Variants in ZNF148 observed in about 807,000 individuals in gnomAD.
ZNF148 encodes zinc finger protein 148.
A neutral mutation model predicts 67.7 loss-of-function variants in ZNF148; 7 were observed. The observed-to-expected ratio is 0.10, with a 90% CI of 0.06 to 0.19. The LOEUF is 0.19. ZNF148 is among the 10% of genes least tolerant of loss of function. The probability of loss-of-function intolerance (pLI) is 1.00; values close to 1 mark genes in which losing one functional copy is unlikely to be tolerated. For missense variants in ZNF148, 583 were observed against 947.1 expected (o/e 0.62, Z 5.05); for synonymous variants, 333 against 330.7 (o/e 1.01, Z -0.08).
intron 7 of ZNF148, among the ~76,000 whole-genome samples, chr3:125,274,446 T>C (rs1297562452): frequency 6.6e-6 from 1 of 152,202 alleles, no homozygotes; most frequent in African/African-American, 2.4e-5. Flanking sequence ...GAATAAAGCT[T>C]AAACCAGAAT....
chr3:125,336,568 T>C (rs1941501066), intron 1 of ZNF148, among the ~76,000 whole-genome samples: 1 of 152,090 alleles, frequency 6.6e-6, no homozygotes, highest in South Asian at 2.1e-4. Flanking sequence ...ATACTTTATA[T>C]ATTTTGAACT....
At chr3:125,292,223 G>A (rs79160645) in intron 4 of ZNF148, among the ~76,000 whole-genome samples, 1,979 of 152,190 alleles carry the variant, frequency 0.013, 47 homozygotes, top group African/African-American at 0.046. Context: ...TATCTGTCCC[G>A]TTTGCCTGAT....
At chr3:125,301,781 C>A (rs1022535138) in intron 4 of ZNF148, among the ~76,000 whole-genome samples, 1 of 152,072 alleles carries the variant, frequency 6.6e-6, no homozygotes, top group Admixed American at 6.6e-5. Context: ...AATGTACATT[C>A]GGCCAGGCGC....
chr3:125,360,289 A>AT (rs1290640391), intron 1 of ZNF148, among the ~76,000 whole-genome samples: 4 of 150,840 alleles, frequency 2.7e-5, no homozygotes, highest in Admixed American at 2.0e-4. Context: ...GGGTTTTTGT[A>AT]TTTTTTTGAT....
chr3:125,246,018 A>G (rs1435719175), intron 7 of ZNF148, among the ~76,000 whole-genome samples: 3 of 152,114 alleles, frequency 2.0e-5, no homozygotes, highest in African/African-American at 7.2e-5. Flanking sequence ...TTCTATTCCT[A>G]AACTACCATG....
At chr3:125,299,083 C>T (rs1560151505) in intron 4 of ZNF148, among the ~76,000 whole-genome samples, 1 of 152,162 alleles carries the variant, frequency 6.6e-6, no homozygotes, top group Admixed American at 6.5e-5. Context: ...GGAAATTTTA[C>T]TTTTCACTTT....
chr3:125,285,896 A>G (rs762175134), intron 5 of ZNF148, among the ~76,000 whole-genome samples: 31 of 152,006 alleles, frequency 2.0e-4, no homozygotes, highest in Non-Finnish European at 4.1e-4. Context: ...TACATTATAA[A>G]TGAGTTTATC....
At chr3:125,354,122 T>C (rs946411127) in intron 1 of ZNF148, among the ~76,000 whole-genome samples, 1 of 152,134 alleles carries the variant, frequency 6.6e-6, no homozygotes, top group Non-Finnish European at 1.5e-5. Flanking sequence ...TATGCTAATA[T>C]GCATTTTAAG....
chr3:125,355,831 A>C (rs781403860), intron 1 of ZNF148, among the ~76,000 whole-genome samples: 1 of 152,214 alleles, frequency 6.6e-6, no homozygotes, highest in Admixed American at 6.5e-5. Flanking sequence ...CTAATGTAGT[A>C]ACAATGAGAA....
chr3:125,289,887 T>C lies in ZNF148; in HGVS notation c.334-1659A>G, dbSNP rs80254834. ...TTTAAATGCAAACAGTAAAAAAGAT[T>C]AACACGTATATCTGAACCTGTTATT... On this transcript the variant is annotated intron_variant, in intron 4 of 8. Transcript: ENST00000360647. Among the ~76,000 whole-genome samples the C allele has an allele frequency of 2.4e-3, 365 of 152,274 alleles. 1 individual carries two copies. Among genetic ancestry groups the C allele is most frequent in the African/African-American group, 8.4e-3 (348 of 41,560 alleles).
chr3:125,250,039 T>C (rs543155653), intron 7 of ZNF148, among the ~76,000 whole-genome samples: 10 of 152,244 alleles, frequency 6.6e-5, no homozygotes, highest in Admixed American at 2.0e-4. Flanking sequence ...TGGGAGGATT[T>C]TGGTCAAAGG....
Position 125,271,985 on chromosome 3 carries a change from C to T in ZNF148, c.667+5741G>A, listed in dbSNP as rs16836687. On this transcript the variant is annotated intron_variant, in intron 7 of 8. Coordinates refer to ENST00000360647, the MANE Select transcript of ZNF148 (RefSeq NM_021964.3). Reference sequence around the variant, plus strand: ...TATCTGTTTACCTCTTCTTGCCCAACGATTCCCAGCTTCCTTCAGTACACT... The same window carrying T: ...TATCTGTTTACCTCTTCTTGCCCAATGATTCCCAGCTTCCTTCAGTACACT... 7.5e-3 allele frequency among the ~76,000 whole-genome samples: 1,145 copies of T among 152,280 alleles called. 40 individuals are homozygous for T. The highest frequency in any genetic ancestry group is 0.053 in the East Asian group (274 of 5,182).
In ZNF148 at chr3:125,340,570, A is replaced by G. The variant is rs188345215; in HGVS notation, c.-233-9332T>C. On this transcript the variant is annotated intron_variant, in intron 1 of 8. Transcript: ENST00000360647. ...GGAAACCCCTTCCAGTGGGAGCTCCAGTAGGATCAAACAAACCAAGTAGAC... is the reference window on the plus strand; with the variant it reads ...GGAAACCCCTTCCAGTGGGAGCTCCGGTAGGATCAAACAAACCAAGTAGAC... Among the ~76,000 whole-genome samples, 67 of 152,358 alleles carry G rather than the reference A, an allele frequency of 4.4e-4. No individual in the cohort carries two copies. In the Middle Eastern group the frequency reaches 0.024, roughly 54 times the overall value.
intron 4 of ZNF148, among the ~76,000 whole-genome samples, chr3:125,304,537 A>C (rs915941700): frequency 1.3e-5 from 2 of 152,168 alleles, no homozygotes; most frequent in African/African-American, 4.8e-5. Context: ...GAGCATCTGC[A>C]TTAGGGGTTA....
chr3:125,344,694 C>G lies in ZNF148; in HGVS notation c.-233-13456G>C, dbSNP rs1265749743. ...TTTCTCTCTGCTTCTTCTTTATTCT[C>G]AGGAATCTGGGTGCCACTTCAGTGC... On this transcript the variant is annotated intron_variant, in intron 1 of 8. Transcript: ENST00000360647. The G allele has an allele frequency of 4.8e-6, 3 of 629,472 alleles. No homozygotes were observed. In the African/African-American group the frequency reaches 5.4e-5, roughly 11 times the overall value. 39.0% of individuals were successfully genotyped at this position (629,472 alleles called of 1,614,324 possible). A position where few individuals can be genotyped will look rare whatever the true frequency, so the allele number is the denominator to read the frequency against.
chr3:125,329,158 G>T (rs914236976), intron 2 of ZNF148, among the ~76,000 whole-genome samples: 2 of 150,094 alleles, frequency 1.3e-5, no homozygotes, highest in Non-Finnish European at 3.0e-5. Flanking sequence ...CATGAGTAAA[G>T]AAGTGAAAAA....
rs1459187170 is a variant in ZNF148 at position 125,232,840 on chromosome 3, T to C, written c.1886A>G (p.Asn629Ser). 3 of 1,613,856 alleles carry C rather than the reference T, an allele frequency of 1.9e-6. No individual in the cohort carries two copies. The highest frequency in any genetic ancestry group is 2.5e-6 in the Non-Finnish European group (3 of 1,179,830). ...NDAYLNSPSL[N>S]FVTDNQTLPN... ...GAGGGTCTGGTTATCAGTCACAAAG[T>C]TAAGGCTCGGGCTATTCAAATAGGC... The change falls in exon 9 of 9, where the codon AAC becomes AGC. Residue 629 changes from asparagine (N) to serine (S), a missense_variant. By Grantham distance (46) the Asn-to-Ser change is conservative. Transcript: ENST00000360647. This position sits in a 1 kb window ranked among gnomAD's most constrained non-coding sequence, Gnocchi z 4.2.
At chr3:125,272,212 G>A (rs961757656) in intron 7 of ZNF148, among the ~76,000 whole-genome samples, 2 of 152,172 alleles carry the variant, frequency 1.3e-5, no homozygotes, top group African/African-American at 4.8e-5. Flanking sequence ...CTAAAGCACA[G>A]GTTGTCTGCA....
Position 125,229,356 on chromosome 3 carries a change from T to C in ZNF148, c.*2985A>G, listed in dbSNP as rs1935760138. 1 of 152,090 alleles carries C rather than the reference T, an allele frequency of 6.6e-6. No homozygotes were observed. Among genetic ancestry groups the C allele is most frequent in the Non-Finnish European group, 1.5e-5 (1 of 68,008 alleles). 9.4% of individuals were successfully genotyped at this position (152,090 alleles called of 1,614,324 possible). A position where few individuals can be genotyped will look rare whatever the true frequency, so the allele number is the denominator to read the frequency against. ...AGCACAATTCTTGACATAACTGCCT[T>C]CTGCCTCTTGAGATAAAAATGACCT... On this transcript the variant is annotated 3_prime_UTR_variant, in exon 9 of 9. Transcript: ENST00000360647.
Sources: gnomAD v4.1 joint callset for allele counts (sites outside exome capture counted in the v4.1 genomes callset) on GRCh38, gnomAD v4.1.1 for gene constraint, Gnocchi (gnomAD v3.1) non-coding constraint, MANE v1.5 for transcripts, NCBI Gene and HGNC (gene_info 2026-07-23, HGNC 2026-07-21) for gene names.